Variants in SAMD3 observed in about 807,000 individuals in gnomAD.
SAMD3 encodes sterile alpha motif domain-containing protein 3.
SAMD3 carries 63 observed loss-of-function variants against 58.5 expected under a neutral mutation model. The ratio of observed to expected loss-of-function variants is 1.08; its 90% CI spans 0.88 to 1.33. The LOEUF (loss-of-function observed/expected upper bound fraction) is 1.33, where lower values mean the gene tolerates loss of function less well. Ranked by LOEUF, SAMD3 falls within the 40% of genes most tolerant of loss-of-function variation. SAMD3 has a pLI of 0.00. For synonymous variants in SAMD3, 220 were observed against 210.3 expected, an observed-to-expected ratio of 1.05 and a Z score of -0.40; for missense variants, 604 against 608.4, an observed-to-expected ratio of 0.99 and a Z score of 0.08.
At chr6:130,347,223 T>C (rs1267721109) in intron 1 of SAMD3, among the ~76,000 whole-genome samples, 1 of 152,112 alleles carries the variant, frequency 6.6e-6, no homozygotes, top group Non-Finnish European at 1.5e-5. Flanking sequence ...CAAAACTGGA[T>C]GGAGAATGAC....
chr6:130,347,334 A>C (rs188758532), intron 1 of SAMD3, among the ~76,000 whole-genome samples: 189 of 152,342 alleles, frequency 1.2e-3, no homozygotes, highest in African/African-American at 4.3e-3. Context: ...CTTGAAAAAA[A>C]ATTAGACAAA....
At chr6:130,264,632 A>C (rs546729458) in intron 2 of SAMD3, among the ~76,000 whole-genome samples, 1 of 152,310 alleles carries the variant, frequency 6.6e-6, no homozygotes, top group Non-Finnish European at 1.5e-5. Context: ...ATGCAATTGG[A>C]GCCCTGCAAG....
chr6:130,199,192 G>T (rs1794417233), intron 5 of SAMD3, among the ~76,000 whole-genome samples: 1 of 152,166 alleles, frequency 6.6e-6, no homozygotes, highest in African/African-American at 2.4e-5. Context: ...CCACCATTGG[G>T]AGAGAAAGCA....
intron 8 of SAMD3, among the ~76,000 whole-genome samples, chr6:130,168,131 C>G (rs1790892727): frequency 1.3e-5 from 2 of 152,120 alleles, no homozygotes; most frequent in Non-Finnish European, 2.9e-5. Context: ...GCCCATGTGA[C>G]AGAACTAAGA....
intron 2 of SAMD3, among the ~76,000 whole-genome samples, chr6:130,303,479 C>T (rs182109294): frequency 2.0e-5 from 3 of 152,250 alleles, no homozygotes; most frequent in Admixed American, 6.5e-5. Context: ...TCAATCTGAA[C>T]CTTTTCCTCT....
intron 1 of SAMD3, among the ~76,000 whole-genome samples, chr6:130,349,177 G>A (rs1291815954): frequency 6.6e-6 from 1 of 151,220 alleles, no homozygotes; most frequent in Non-Finnish European, 1.5e-5. Flanking sequence ...AACTAGAGAA[G>A]CAAGAGCAAA....
chr6:130,204,800 A>T (rs1197429096), intron 5 of SAMD3, among the ~76,000 whole-genome samples: 4 of 139,842 alleles, frequency 2.9e-5, no homozygotes, highest in Non-Finnish European at 6.1e-5. Flanking sequence ...CACAATCGGG[A>T]TGGAATGAAT....
chr6:130,201,251 C>A (rs1794628689), intron 5 of SAMD3, among the ~76,000 whole-genome samples: 1 of 152,174 alleles, frequency 6.6e-6, no homozygotes, highest in East Asian at 1.9e-4. Flanking sequence ...GATCAAATCA[C>A]TGAATCTCTT....
chr6:130,263,869 G>A (rs1583023591), intron 2 of SAMD3, among the ~76,000 whole-genome samples: 1 of 152,092 alleles, frequency 6.6e-6, no homozygotes, highest in East Asian at 1.9e-4. Flanking sequence ...CCGATGTAGA[G>A]TTTTCATGCC....
At chr6:130,358,620 G>GA (rs1003178654) in intron 1 of SAMD3, among the ~76,000 whole-genome samples, 58 of 151,698 alleles carry the variant, frequency 3.8e-4, no homozygotes, top group African/African-American at 1.3e-3. Context: ...AATTTTGAAA[G>GA]AAAAAAATTG....
chr6:130,336,933 C>A (rs531183682), intron 1 of SAMD3, among the ~76,000 whole-genome samples: 2 of 152,306 alleles, frequency 1.3e-5, no homozygotes, highest in East Asian at 3.9e-4. Flanking sequence ...ATATAAGTTA[C>A]AATCAAGCCT....
chr6:130,267,042 C>T (rs1354245257), intron 2 of SAMD3, among the ~76,000 whole-genome samples: 1 of 152,178 alleles, frequency 6.6e-6, no homozygotes, highest in African/African-American at 2.4e-5. Flanking sequence ...ACGAGGAATG[C>T]TATCTATCAA....
At chr6:130,348,936 A>G (rs576623353) in intron 1 of SAMD3, among the ~76,000 whole-genome samples, 2 of 151,900 alleles carry the variant, frequency 1.3e-5, no homozygotes, top group East Asian at 1.9e-4. Flanking sequence ...ACTCAAAACC[A>G]CTCAACTACA....
intron 2 of SAMD3, among the ~76,000 whole-genome samples, chr6:130,238,360 C>T (rs750960436): frequency 6.6e-6 from 1 of 151,964 alleles, no homozygotes; most frequent in African/African-American, 2.4e-5. Flanking sequence ...GTTTTTCTCC[C>T]TATAAAAAGT....
At chr6:130,200,578 A>G (rs958764038) in intron 5 of SAMD3, among the ~76,000 whole-genome samples, 7 of 148,458 alleles carry the variant, frequency 4.7e-5, no homozygotes, top group South Asian at 2.1e-4. Context: ...AAAAAAAAAA[A>G]GGGGAATGAG....
rs754021451 is a variant in SAMD3, at chr6:130,194,739, C to T, written c.384-10116G>A. ...CTGTTCAACTCACTTGGCAACCACT[C>T]CCAGAGCCCATGGAACTCTGGCCCA... On this transcript the variant is annotated intron_variant, in intron 5 of 11. Coordinates refer to ENST00000439090, the MANE Select transcript of SAMD3 (RefSeq NM_001017373.4). Among the ~76,000 whole-genome samples the T allele has an allele frequency of 3.9e-5, 6 of 152,342 alleles. No individual in the cohort carries two copies. The South Asian group carries it at 6.2e-4, about 16-fold the overall frequency.
intron 1 of SAMD3, among the ~76,000 whole-genome samples, chr6:130,341,412 C>A (rs1230369135): frequency 6.6e-6 from 1 of 152,072 alleles, no homozygotes; most frequent in East Asian, 1.9e-4. Context: ...ACTTAAGAAC[C>A]TGCTGAGCAG....
At chr6:130,201,158 T>C (rs1353869796) in intron 5 of SAMD3, among the ~76,000 whole-genome samples, 1 of 152,220 alleles carries the variant, frequency 6.6e-6, no homozygotes, top group East Asian at 1.9e-4. Context: ...GTCTAGTGTT[T>C]TGATGGGTCT....
intron 2 of SAMD3, among the ~76,000 whole-genome samples, chr6:130,250,843 T>C (rs540375414): frequency 2.6e-5 from 4 of 152,350 alleles, no homozygotes; most frequent in Admixed American, 6.5e-5. Context: ...CATTTATCTG[T>C]TGATGGATTT....
Sources: allele counts gnomAD v4.1 joint callset (sites outside exome capture counted in the v4.1 genomes callset), GRCh38; gene constraint gnomAD v4.1.1; transcripts MANE v1.5; gene names NCBI Gene and HGNC (gene_info 2026-07-23, HGNC 2026-07-21).